Variants in SCN2A observed in about 807,000 individuals in gnomAD.
SCN2A encodes sodium channel protein type 2 subunit alpha.
SCN2A carries 20 observed loss-of-function variants against 188.7 expected under a neutral mutation model. The ratio of observed to expected loss-of-function variants is 0.11; its 90% CI spans 0.07 to 0.15. The LOEUF is 0.15. Among genes scored for constraint, SCN2A ranks in the 10% least tolerant of loss-of-function variants. The pLI, the probability that SCN2A is intolerant of heterozygous loss-of-function variation, is 1.00. For missense variants in SCN2A, 1,278 were observed against 2,445.0 expected (o/e 0.52, Z 10.07); for synonymous variants, 804 against 833.1 (o/e 0.97, Z 0.60).
chr2:165,348,165 C>A (rs1040915059), intron 16 of SCN2A, among the ~76,000 whole-genome samples: 3 of 152,024 alleles, frequency 2.0e-5, no homozygotes, highest in Admixed American at 1.3e-4. Flanking sequence ...TCGCGACCAG[C>A]CTAGTCAACA....
At chr2:165,302,551 T>C (rs182987231) in intron 3 of SCN2A, among the ~76,000 whole-genome samples, 364 of 152,326 alleles carry the variant, frequency 2.4e-3, no homozygotes, top group African/African-American at 8.5e-3. Context: ...TCCTATAATT[T>C]TATACTCTAT....
At chr2:165,384,773 A>G (rs1249194925) in intron 25 of SCN2A, among the ~76,000 whole-genome samples, 1 of 152,176 alleles carries the variant, frequency 6.6e-6, no homozygotes, top group Non-Finnish European at 1.5e-5. Context: ...CTTTAAACTC[A>G]AAACTGAGTT....
intron 3 of SCN2A, among the ~76,000 whole-genome samples, chr2:165,304,555 T>C (rs1697013987): frequency 6.6e-6 from 1 of 152,216 alleles, no homozygotes. Flanking sequence ...AATATAGACA[T>C]GATTCCTGTC....
chr2:165,323,004 C>A, intron 11 of SCN2A, 152 bp from the exon 12 acceptor site: 1 of 703,120 alleles, frequency 1.4e-6, no homozygotes, highest in Non-Finnish European at 2.3e-6. Context: ...ATGCCACCAG[C>A]AGTCATCAGA....
chr2:165,327,253 G>T, intron 13 of SCN2A: 1 of 421,812 alleles, frequency 2.4e-6, no homozygotes, highest in Non-Finnish European at 4.4e-6. Flanking sequence ...ATTGAAACTT[G>T]TGTGCATGAC....
intron 6 of SCN2A, among the ~76,000 whole-genome samples, 158 bp from the exon 7 acceptor site, chr2:165,310,165 G>T (rs1391284513): frequency 6.6e-6 from 1 of 152,028 alleles, no homozygotes; most frequent in Non-Finnish European, 1.5e-5. Context: ...CAGCTAGCAG[G>T]CTTTTCATGA....
At chr2:165,322,160 A>C (rs1698106687) in intron 11 of SCN2A, among the ~76,000 whole-genome samples, 1 of 152,192 alleles carries the variant, frequency 6.6e-6, no homozygotes, top group Non-Finnish European at 1.5e-5. Context: ...CCAAACTTAA[A>C]GCCAATATTT....
intron 1 of SCN2A, among the ~76,000 whole-genome samples, chr2:165,293,634 G>A (rs983177728): frequency 6.6e-6 from 1 of 152,142 alleles, no homozygotes; most frequent in Non-Finnish European, 1.5e-5. Flanking sequence ...ATGCCATTAA[G>A]CAGTGCACTA....
intron 1 of SCN2A, among the ~76,000 whole-genome samples, chr2:165,289,847 G>C (rs550333712): frequency 1.3e-5 from 2 of 152,260 alleles, no homozygotes; most frequent in African/African-American, 4.8e-5. Flanking sequence ...ATCAATGGGA[G>C]AGAAAGAGGT....
rs569634403 is a variant in SCN2A at position 165,314,208 on chromosome 2, C to T, written c.1383+100C>T. The T allele has an allele frequency of 4.9e-6, 6 of 1,235,672 alleles. No individual in the cohort carries two copies. In the African/African-American group the frequency reaches 7.5e-5, roughly 15 times the overall value. 76.5% of individuals were successfully genotyped at this position (1,235,672 alleles called of 1,614,324 possible). ...AAGGTAGTTGACATTAGAAATAGGT[C>T]ATATGTGTTTGGTAAGTGCTAGGAG... is the stretch of plus-strand genomic sequence containing the variant. On this transcript the variant is annotated intron_variant, in intron 10 of 26. Coordinates refer to ENST00000375437, the MANE Select transcript of SCN2A (RefSeq NM_001040142.2).
At position 165,363,847 on chromosome 2, in the gene SCN2A, AAT is replaced by A. The variant is rs530140071; in HGVS notation, c.3400-1293_3400-1292del. 2.0e-3 allele frequency among the ~76,000 whole-genome samples: 302 copies of A among 152,296 alleles called. 2 individuals carry two copies. The highest frequency in any genetic ancestry group is 0.016 in the East Asian group (83 of 5,192). Reference sequence around the variant, plus strand: ...TAACTCAAAGCAGGCAGAAGTATCTAATATTTATGCTTCCATCATTAGTATTT... The same window carrying A: ...TAACTCAAAGCAGGCAGAAGTATCTAATTTATGCTTCCATCATTAGTATTT... On this transcript the variant is annotated intron_variant, in intron 17 of 26. Transcript: ENST00000375437.
chr2:165,308,081 A>G lies in SCN2A; in HGVS notation c.476+144A>G, dbSNP rs1316155221. 1.5e-5 allele frequency: 11 copies of G among 724,538 alleles called. No homozygotes were observed. The East Asian group carries it at 2.3e-4, about 15-fold the overall frequency. 44.9% of individuals were successfully genotyped at this position (724,538 alleles called of 1,614,324 possible). On this transcript the variant is annotated intron_variant, in intron 4 of 26. Transcript: ENST00000375437. ...GATTCAAATTCATTTCTGTCACTAAATGTCTTCTAGGACAAAGCTTGTAGT... is the reference window on the plus strand; with the variant it reads ...GATTCAAATTCATTTCTGTCACTAAGTGTCTTCTAGGACAAAGCTTGTAGT...
At chr2:165,331,633 A>G in intron 14 of SCN2A, 65 bp downstream of exon 14, 2 of 1,232,488 alleles carry the variant, frequency 1.6e-6, no homozygotes, top group South Asian at 1.2e-5. Flanking sequence ...TGAATTTTAC[A>G]TATTGCTCTC....
intron 3 of SCN2A, among the ~76,000 whole-genome samples, chr2:165,297,638 G>A (rs1696581605): frequency 6.6e-6 from 1 of 152,210 alleles, no homozygotes; most frequent in African/African-American, 2.4e-5. Flanking sequence ...AATTGTGTCT[G>A]TAGGTATAAC....
At chr2:165,342,190 A>G in intron 14 of SCN2A, 106 bp from the exon 15 acceptor site, 1 of 1,128,276 alleles carries the variant, frequency 8.9e-7, no homozygotes, top group East Asian at 2.5e-5. Flanking sequence ...CCAATTTTTT[A>G]AAATCAGAAT....
intron 1 of SCN2A, among the ~76,000 whole-genome samples, chr2:165,280,696 C>T (rs1436345455): frequency 6.6e-6 from 1 of 152,106 alleles, no homozygotes; most frequent in Non-Finnish European, 1.5e-5. Flanking sequence ...CATAATAAAG[C>T]CACTTCTGTA....
At chr2:165,386,696 C>A (rs150453735) in intron 25 of SCN2A, 50 bp from the exon 26 acceptor site, 3 of 1,554,500 alleles carry the variant, frequency 1.9e-6, no homozygotes, top group African/African-American at 2.7e-5. Flanking sequence ...GAATTGAATT[C>A]GATTTTTTTT....
chr2:165,379,941 T>A (rs1298156376), intron 23 of SCN2A, among the ~76,000 whole-genome samples: 1 of 151,798 alleles, frequency 6.6e-6, no homozygotes, highest in Non-Finnish European at 1.5e-5. Flanking sequence ...ATAGTATCAT[T>A]GTTACAGAAA....
At chr2:165,323,026 T>C in intron 11 of SCN2A, 130 bp from the exon 12 acceptor site, 1 of 880,616 alleles carries the variant, frequency 1.1e-6, no homozygotes, top group Non-Finnish European at 1.7e-6. Flanking sequence ...GGGTGCTTTC[T>C]TCCACATGTC....
Sources: allele counts gnomAD v4.1 joint callset (sites outside exome capture counted in the v4.1 genomes callset), GRCh38; gene constraint gnomAD v4.1.1; transcripts MANE v1.5; gene names NCBI Gene and HGNC (gene_info 2026-07-23, HGNC 2026-07-21).